Variants in TENM1 observed in about 807,000 individuals in gnomAD.
TENM1 encodes the protein teneurin-1.
A neutral mutation model predicts 174.8 loss-of-function variants in TENM1; 35 were observed. The ratio of observed to expected loss-of-function variants is 0.20; its 90% CI spans 0.15 to 0.27. TENM1 has a LOEUF of 0.27. TENM1 is among the 10% of genes least tolerant of loss of function. The probability of loss-of-function intolerance (pLI) is 1.00; values close to 1 mark genes in which losing one functional copy is unlikely to be tolerated. For missense variants in TENM1, 1,633 were observed against 2,130.1 expected (o/e 0.77, Z 4.59); for synonymous variants, 781 against 798.7 (o/e 0.98, Z 0.37).
chrX:125,096,463 G>C, the TENM1 span, among the ~76,000 whole-genome samples: 30,177 of 111,170 alleles, frequency 0.27, 3,291 homozygotes, highest in African/African-American at 0.41. Context: ...CTTGGAGAAA[G>C]AGTTTCCATG....
chrX:124,853,681 T>G (rs1278744815), intron 3 of TENM1, among the ~76,000 whole-genome samples: 1 of 110,803 alleles, frequency 9.0e-6, no homozygotes, highest in Non-Finnish European at 1.9e-5. Flanking sequence ...ATATCATTAG[T>G]GCAGTAAGAA....
intron 3 of TENM1, among the ~76,000 whole-genome samples, chrX:124,776,648 T>C (rs1279999632): frequency 8.9e-6 from 1 of 111,872 alleles, no homozygotes; most frequent in Non-Finnish European, 1.9e-5. Context: ...TGAGTAAATA[T>C]TAAATAACAT....
chrX:124,945,728 T>C lies in TENM1; in HGVS notation c.217+17809A>G, dbSNP rs2058392502. Among the ~76,000 whole-genome samples the C allele has an allele frequency of 4.5e-5, 5 of 110,999 alleles. No individual in the cohort carries two copies. In the South Asian group the frequency reaches 1.6e-3, roughly 35 times the overall value. On this transcript the variant is annotated intron_variant, in intron 1 of 31. Transcript: ENST00000422452. Reference sequence around the variant, plus strand: ...TGAAGGGAGGGTCAGGAGTTCTGTTTTGAATATTGTCTCAGCTTGGTTTTC... The same window carrying C: ...TGAAGGGAGGGTCAGGAGTTCTGTTCTGAATATTGTCTCAGCTTGGTTTTC...
At chrX:125,176,523 G>A in the TENM1 span, among the ~76,000 whole-genome samples, 2 of 111,500 alleles carry the variant, frequency 1.8e-5, no homozygotes, top group South Asian at 7.4e-4. Context: ...GATTTTCTCA[G>A]ACTTTATGGA....
At chrX:125,183,020 T>G in the TENM1 span, among the ~76,000 whole-genome samples, 2 of 112,089 alleles carry the variant, frequency 1.8e-5, no homozygotes, top group Non-Finnish European at 3.8e-5. Flanking sequence ...ACTGCTCCCC[T>G]AAACCAAATG....
At chrX:124,518,780 T>C (rs1416273846) in intron 18 of TENM1, among the ~76,000 whole-genome samples, 1 of 111,671 alleles carries the variant, frequency 9.0e-6, no homozygotes, top group Non-Finnish European at 1.9e-5. Flanking sequence ...AAGGAATTAT[T>C]TGAACCCGGG....
chrX:124,391,289 G>T (rs1028012624), intron 28 of TENM1, among the ~76,000 whole-genome samples: 2 of 111,301 alleles, frequency 1.8e-5, no homozygotes, highest in African/African-American at 6.5e-5. Flanking sequence ...TAGGACTGAT[G>T]AATTCCTAAA....
rs2048211940 is a variant in TENM1, at chrX:124,536,636, A to T, written c.2652-6653T>A. On this transcript the variant is annotated intron_variant, in intron 15 of 31. Coordinates refer to ENST00000422452, the Ensembl canonical transcript of TENM1. ...CTGAGATCCCCAAAGTAATGGGAAA[A>T]AGATCAAGTGTTTTGAAGCAATAAG... is the stretch of plus-strand genomic sequence containing the variant. 1.8e-5 allele frequency among the ~76,000 whole-genome samples: 2 copies of T among 111,373 alleles called. 1 individual carries two copies. Among genetic ancestry groups the T allele is most frequent in the South Asian group, 7.6e-4 (2 of 2,626 alleles).
the TENM1 span, among the ~76,000 whole-genome samples, chrX:125,101,579 G>A: frequency 9.0e-6 from 1 of 111,293 alleles, no homozygotes; most frequent in Non-Finnish European, 1.9e-5. Context: ...AGTGAAGGTT[G>A]GACATATTGT....
Position 124,420,213 on chromosome X carries a change from C to T in TENM1, c.4982+98G>A, listed in dbSNP as rs1168928576. ...TAAAATGGTGGTTGTTAGGAGAAAA[C>T]AGCATGCAACACTCAGCAATTACTA... On this transcript the variant is annotated intron_variant, in intron 25 of 31. Transcript: ENST00000422452. The T allele has an allele frequency of 4.3e-6, 4 of 932,253 alleles. No homozygotes were observed. In the African/African-American group the frequency reaches 7.9e-5, roughly 18 times the overall value. 76.8% of individuals were successfully genotyped at this position (932,253 alleles called of 1,213,427 possible).
chrX:124,434,852 G>A (rs1569531508), intron 23 of TENM1, among the ~76,000 whole-genome samples: 1 of 111,831 alleles, frequency 8.9e-6, no homozygotes, highest in East Asian at 2.8e-4. Flanking sequence ...TCTGTTTCTC[G>A]GGTTTTATCA....
the TENM1 span, among the ~76,000 whole-genome samples, chrX:124,995,918 T>C: frequency 2.7e-5 from 3 of 110,939 alleles, no homozygotes; most frequent in Admixed American, 2.9e-4. Flanking sequence ...AAATAACCTT[T>C]CATAGACTAA....
At chrX:124,879,207 G>A (rs2057261897) in intron 3 of TENM1, among the ~76,000 whole-genome samples, 1 of 111,281 alleles carries the variant, frequency 9.0e-6, no homozygotes, top group Admixed American at 9.5e-5. Flanking sequence ...CTCTGCTATT[G>A]AACATTAGAA....
rs773622231 is a variant in TENM1 at position 124,641,786 on chromosome X, T to C, written c.2077+5A>G. The C allele has an allele frequency of 1.4e-5, 17 of 1,206,031 alleles. No homozygotes were observed. Among genetic ancestry groups the C allele is most frequent in the Admixed American group, 2.2e-5 (1 of 45,823 alleles). The stretch of plus-strand genomic sequence containing the variant: ...GGAAGGAGAAGGAAATTAACTCCAC[T>C]ACACCTGTTGAGCAGTCAGATCCTG... On this transcript the variant is annotated splice_donor_5th_base_variant and intron_variant, in intron 11 of 31. Coordinates refer to ENST00000422452, the Ensembl canonical transcript of TENM1.
the TENM1 span, among the ~76,000 whole-genome samples, chrX:125,004,618 C>T: frequency 2.7e-5 from 3 of 111,941 alleles, no homozygotes; most frequent in Admixed American, 1.9e-4. Context: ...TGAATAATTT[C>T]AAACATACAT....
At chrX:124,976,514 T>G in the TENM1 span, among the ~76,000 whole-genome samples, 1 of 112,032 alleles carries the variant, frequency 8.9e-6, no homozygotes, top group Non-Finnish European at 1.9e-5. Context: ...AGACTTTAGA[T>G]CCTACAGAGC....
At chrX:125,055,489 GCA>G in the TENM1 span, among the ~76,000 whole-genome samples, 11 of 111,539 alleles carry the variant, frequency 9.9e-5, no homozygotes, top group Admixed American at 8.6e-4. Context: ...TTCCTGAAGG[GCA>G]GATGTCATCT....
intron 23 of TENM1, among the ~76,000 whole-genome samples, chrX:124,444,870 G>A (rs908184281): frequency 1.2e-4 from 13 of 111,289 alleles, no homozygotes; most frequent in African/African-American, 4.2e-4. Flanking sequence ...GCATGAAAGA[G>A]TTGTTTTCTT....
the TENM1 span, among the ~76,000 whole-genome samples, chrX:125,015,291 A>G: frequency 9.0e-6 from 1 of 111,582 alleles, no homozygotes; most frequent in Non-Finnish European, 1.9e-5. Flanking sequence ...TGGGCATCCT[A>G]TATTTTATCT....
Sources: gnomAD v4.1 joint callset for allele counts (sites outside exome capture counted in the v4.1 genomes callset) on GRCh38, gnomAD v4.1.1 for gene constraint, MANE v1.5 for transcripts, NCBI Gene and HGNC (gene_info 2026-07-23, HGNC 2026-07-21) for gene names.